ACOT12: variants seen among roughly 807,000 people sequenced by gnomAD.
ACOT12 encodes acetyl-coenzyme A thioesterase.
In ACOT12, 51 loss-of-function variants were observed where a neutral mutation model predicts 67.7. That is an observed-to-expected ratio of 0.75 (90% CI 0.60 to 0.95). The LOEUF (loss-of-function observed/expected upper bound fraction) is 0.95. ACOT12 is among the 40% of genes least tolerant of loss of function. The pLI is 0.00. For missense variants in ACOT12, 734 were observed against 708.1 expected (o/e 1.04, Z -0.41); for synonymous variants, 251 against 244.6 (o/e 1.03, Z -0.24).
At chr5:81,313,961 A>G in the ACOT12 span, among the ~76,000 whole-genome samples, 1 of 152,194 alleles carries the variant, frequency 6.6e-6, no homozygotes, top group Non-Finnish European at 1.5e-5. Context: ...TCTAGTCCGA[A>G]CGCACCCAGA....
chr5:81,359,982 C>T lies in ACOT12; in HGVS notation c.417G>A (p.Leu139=). The part of the protein sequence containing the change: ...LTEQDHVEHN[L]AAERRKVRLQ... Reference sequence around the variant, plus strand: ...ATCGAACTTTCCTTCTCTCAGCAGCCAGATTATGTTCCACATGATCTTGTT... The same window carrying T: ...ATCGAACTTTCCTTCTCTCAGCAGCTAGATTATGTTCCACATGATCTTGTT... The change falls in exon 5 of 15, where the codon CTG becomes CTA. Residue 139 remains leucine (L), a synonymous_variant. Coordinates refer to ENST00000307624, the MANE Select transcript of ACOT12 (RefSeq NM_130767.3). 1 of 1,612,766 alleles carries T rather than the reference C, an allele frequency of 6.2e-7. No individual in the cohort carries two copies. Among genetic ancestry groups the T allele is most frequent in the Non-Finnish European group, 8.5e-7 (1 of 1,179,582 alleles).
rs536411789 is a variant in ACOT12 at position 81,371,202 on chromosome 5, T to G, written c.258+548A>C. Among the ~76,000 whole-genome samples the G allele has an allele frequency of 2.0e-5, 3 of 152,304 alleles. No homozygotes were observed. In the East Asian group the frequency reaches 5.8e-4, roughly 29 times the overall value. On this transcript the variant is annotated intron_variant, in intron 3 of 14. Transcript: ENST00000307624. ...TGCAGGTTTACTTTCTGTATATCCT[T>G]CTATGTAGAAATAGTGTACTGTATC...
chr5:81,314,398 C>T, the ACOT12 span, among the ~76,000 whole-genome samples: 2 of 152,070 alleles, frequency 1.3e-5, no homozygotes, highest in Non-Finnish European at 2.9e-5. Context: ...CCACCATGCC[C>T]GGCCTACTTT....
At chr5:81,338,206 C>T (rs1373268537) in intron 11 of ACOT12, among the ~76,000 whole-genome samples, 1 of 152,242 alleles carries the variant, frequency 6.6e-6, no homozygotes, top group East Asian at 1.9e-4. Context: ...TTACCTTTCA[C>T]ATTTGGGAAT....
At chr5:81,311,422 T>G in the ACOT12 span, 5 of 883,758 alleles carry the variant, frequency 5.7e-6, no homozygotes, top group Non-Finnish European at 9.0e-6. Context: ...ACTTAATCTC[T>G]GTCAGCAATA....
At chr5:81,354,895 G>A (rs1030420657) in intron 5 of ACOT12, among the ~76,000 whole-genome samples, 1 of 151,808 alleles carries the variant, frequency 6.6e-6, no homozygotes, top group Non-Finnish European at 1.5e-5. Flanking sequence ...GTAGAGACAG[G>A]GTTTCACCAT....
chr5:81,358,290 T>A (rs1759787138), intron 5 of ACOT12, among the ~76,000 whole-genome samples: 1 of 152,200 alleles, frequency 6.6e-6, no homozygotes, highest in African/African-American at 2.4e-5. Context: ...ACGGGTTTGC[T>A]CATTAGTAAG....
At chr5:81,318,420 A>C in the ACOT12 span, among the ~76,000 whole-genome samples, 2 of 152,144 alleles carry the variant, frequency 1.3e-5, no homozygotes, top group African/African-American at 4.8e-5. Context: ...TGCCAGTACC[A>C]CACTTTTGAT....
At chr5:81,331,380 A>G (rs1758821106) in intron 13 of ACOT12, among the ~76,000 whole-genome samples, 1 of 152,150 alleles carries the variant, frequency 6.6e-6, no homozygotes, top group Admixed American at 6.5e-5. Flanking sequence ...TCTACTAAAA[A>G]TATAAAATTA....
intron 9 of ACOT12, 88 bp from the exon 10 acceptor site, chr5:81,343,969 A>G: frequency 3.8e-6 from 5 of 1,330,126 alleles, no homozygotes; most frequent in East Asian, 4.7e-5. Context: ...TTGAACTTCT[A>G]TCAGCCATGG....
At chr5:81,341,103 A>G (rs980718351) in intron 11 of ACOT12, among the ~76,000 whole-genome samples, 3 of 152,224 alleles carry the variant, frequency 2.0e-5, no homozygotes, top group African/African-American at 7.2e-5. Flanking sequence ...ACTGCTGCTC[A>G]TGAATGCTCA....
intron 2 of ACOT12, among the ~76,000 whole-genome samples, chr5:81,384,906 G>A (rs575898054): frequency 2.6e-5 from 4 of 152,252 alleles, no homozygotes; most frequent in African/African-American, 9.6e-5. Context: ...TTGTTTTATA[G>A]GCTGGTGGAA....
chr5:81,363,656 G>T, intron 4 of ACOT12, 132 bp downstream of exon 4: 2 of 567,962 alleles, frequency 3.5e-6, no homozygotes, highest in Non-Finnish European at 5.8e-6. Flanking sequence ...AATAAATATT[G>T]GTGAATAACA....
Position 81,345,058 on chromosome 5 carries a change from AG to A in ACOT12, c.774-18del, listed in dbSNP as rs749666858. ...ACTTCAACACTGTGAAGGGTGATGC[AG>A]GGCGGTGGGCAAAGAGGATCTTGAC... On this transcript the variant is annotated intron_variant, in intron 7 of 14. Coordinates refer to ENST00000307624, the MANE Select transcript of ACOT12 (RefSeq NM_130767.3). The A allele has an allele frequency of 1.2e-6, 2 of 1,613,424 alleles. No homozygotes were observed. Among genetic ancestry groups the A allele is most frequent in the Non-Finnish European group, 1.7e-6 (2 of 1,179,694 alleles).
chr5:81,337,992 C>CA (rs1759057529), intron 11 of ACOT12, among the ~76,000 whole-genome samples: 1 of 152,176 alleles, frequency 6.6e-6, no homozygotes, highest in Non-Finnish European at 1.5e-5. Context: ...ACTGGATGAG[C>CA]AAATTCGATT....
Position 81,394,096 on chromosome 5 carries a change from C to G in ACOT12, c.19G>C (p.Gly7Arg), listed in dbSNP as rs1235908446. Residue 7 changes from glycine to arginine, a missense_variant, in exon 1 of 15, where the codon GGC (glycine) becomes CGC (arginine). Gly to Arg is a moderately radical substitution (Grantham distance 125, BLOSUM62 -2). Coordinates refer to ENST00000307624, the MANE Select transcript of ACOT12 (RefSeq NM_130767.3). MERPAP[G>R]EVVMSQAIQP... The stretch of plus-strand genomic sequence containing the variant: ...ATGGCTTGGCTCATGACCACCTCGC[C>G]GGGCGCCGGCCGCTCCATGGCCAGG... 6.9e-7 allele frequency: 1 copy of G among 1,456,182 alleles called. No individual in the cohort carries two copies. The highest frequency in any genetic ancestry group is 9.0e-7 in the Non-Finnish European group (1 of 1,109,628). The allele number at this position is 1,456,182 out of a possible 1,614,324, so 90.2% of individuals were successfully genotyped here. A position where few individuals can be genotyped will look rare whatever the true frequency, so the allele number is the denominator to read the frequency against.
At chr5:81,346,317 C>T (rs1340754640) in intron 6 of ACOT12, among the ~76,000 whole-genome samples, 1 of 152,224 alleles carries the variant, frequency 6.6e-6, no homozygotes, top group East Asian at 1.9e-4. Context: ...GAATTACAGT[C>T]ATCCTGATAG....
At chr5:81,346,066 G>A (rs1759372843) in intron 6 of ACOT12, 62 bp from the exon 7 acceptor site, 1 of 1,589,208 alleles carries the variant, frequency 6.3e-7, no homozygotes, top group Non-Finnish European at 8.6e-7. Flanking sequence ...TCGAACAAAT[G>A]CACAGACAAG....
chr5:81,325,717 G>A (rs183426729), downstream of ACOT12, among the ~76,000 whole-genome samples: 294 of 152,306 alleles, frequency 1.9e-3, 1 homozygote, highest in African/African-American at 6.8e-3. Flanking sequence ...GGTGTAAAAT[G>A]AGAAAGGCAT....
Sources: allele counts gnomAD v4.1 joint callset (sites outside exome capture counted in the v4.1 genomes callset), GRCh38; gene constraint gnomAD v4.1.1; transcripts MANE v1.5; gene names NCBI Gene and HGNC (gene_info 2026-07-23, HGNC 2026-07-21).